FILIP1L: variants seen among roughly 807,000 people sequenced by gnomAD.
FILIP1L encodes filamin A interacting protein 1 like.
In FILIP1L, 55 loss-of-function variants were observed where a neutral mutation model predicts 96.6. That is an observed-to-expected ratio of 0.57 (90% CI 0.46 to 0.71). The LOEUF (loss-of-function observed/expected upper bound fraction) is 0.71, where lower values mean the gene tolerates loss of function less well. Ranked by LOEUF, FILIP1L falls within the 30% of genes least tolerant of loss-of-function variation. The pLI is 0.00. For synonymous variants in FILIP1L, 467 were observed against 473.9 expected, an observed-to-expected ratio of 0.99 and a Z score of 0.19; for missense variants, 1,304 against 1,321.2, an observed-to-expected ratio of 0.99 and a Z score of 0.20.
chr3:100,018,497 G>A (rs1258230086), intron 1 of FILIP1L, among the ~76,000 whole-genome samples: 1 of 152,024 alleles, frequency 6.6e-6, no homozygotes, highest in African/African-American at 2.4e-5. Context: ...GAAATGGATA[G>A]CCACATGCAG....
Position 100,047,958 on chromosome 3 carries a change from C to T in FILIP1L, c.-11+66095G>A, listed in dbSNP as rs149629351. Among the ~76,000 whole-genome samples, 571 of 152,248 alleles carry T rather than the reference C, an allele frequency of 3.8e-3. 3 individuals carry two copies. Among genetic ancestry groups the T allele is most frequent in the African/African-American group, 0.013 (542 of 41,538 alleles). On this transcript the variant is annotated intron_variant, in intron 1 of 5. Transcript: ENST00000477258. Reference sequence around the variant, plus strand: ...TGAGTTGAGCAGACTCATGAAAGAACGAATTGTCCCTCCTATAGTGTAAAT... The same window carrying T: ...TGAGTTGAGCAGACTCATGAAAGAATGAATTGTCCCTCCTATAGTGTAAAT...
rs148942588 is a variant in FILIP1L, at chr3:100,076,144, T to A, written c.-11+37909A>T. ...TTAAGAAATATATTTGTTAGTTATC[T>A]TGCCCGGAAAACCCTTAAAAATGTA... is the stretch of plus-strand genomic sequence containing the variant. On this transcript the variant is annotated intron_variant, in intron 1 of 5. Coordinates refer to ENST00000477258, the MANE Select transcript of FILIP1L (RefSeq NM_001387850.1). Among the ~76,000 whole-genome samples, 1,102 of 152,358 alleles carry A rather than the reference T, an allele frequency of 7.2e-3. 4 individuals carry two copies. Among genetic ancestry groups the A allele is most frequent in the African/African-American group, 0.01 (420 of 41,568 alleles).
At chr3:99,910,114 C>T (rs1358814287) in intron 4 of FILIP1L, among the ~76,000 whole-genome samples, 1 of 136,282 alleles carries the variant, frequency 7.3e-6, no homozygotes, top group East Asian at 2.0e-4. Flanking sequence ...TGTCCAGAAC[C>T]TGTGAAATTC....
intron 1 of FILIP1L, among the ~76,000 whole-genome samples, chr3:99,989,843 A>G (rs1049251686): frequency 4.6e-5 from 7 of 152,142 alleles, no homozygotes; most frequent in African/African-American, 1.7e-4. Flanking sequence ...GATCAGTTTC[A>G]TAAAATCTCA....
chr3:100,035,461 C>T (rs13093838), intron 1 of FILIP1L, among the ~76,000 whole-genome samples: 24,416 of 152,070 alleles, frequency 0.16, 2,331 homozygotes, highest in South Asian at 0.21. Flanking sequence ...TTAGTAGAGA[C>T]AGGGTTTCAC....
intron 5 of FILIP1L, among the ~76,000 whole-genome samples, chr3:99,834,965 T>C (rs1463647790): frequency 6.6e-6 from 1 of 152,238 alleles, no homozygotes; most frequent in Non-Finnish European, 1.5e-5. Flanking sequence ...CCCTGGCCCA[T>C]CTAAAGTTTC....
chr3:100,081,707 A>C (rs184327087), intron 1 of FILIP1L, among the ~76,000 whole-genome samples: 44 of 152,316 alleles, frequency 2.9e-4, no homozygotes, highest in African/African-American at 1.1e-3. Flanking sequence ...AATACAGGTA[A>C]ATAGTAAATG....
intron 1 of FILIP1L, among the ~76,000 whole-genome samples, chr3:99,979,135 G>T (rs941473972): frequency 6.6e-6 from 1 of 152,110 alleles, no homozygotes; most frequent in African/African-American, 2.4e-5. Flanking sequence ...TGTTTGAGGT[G>T]ATTACCCTGA....
rs1455201814 is a variant in FILIP1L, at chr3:99,848,325, G to T, written c.3351C>A (p.Ala1117=). The change falls in exon 5 of 6, where the codon GCC becomes GCA. Residue 1117 remains alanine (A), a synonymous_variant. Coordinates refer to ENST00000477258, the MANE Select transcript of FILIP1L (RefSeq NM_001387850.1). The part of the protein sequence containing the change: ...VTSSITITPT[A]TPLPRQSQIT... ...TTTGTGATTGTCGAGGAAGAGGTGTGGCTGTTGGTGTGATAGTAATACTGC... is the reference window on the plus strand; with the variant it reads ...TTTGTGATTGTCGAGGAAGAGGTGTTGCTGTTGGTGTGATAGTAATACTGC... 3 of 1,614,114 alleles carry T rather than the reference G, an allele frequency of 1.9e-6. No homozygotes were observed. Among genetic ancestry groups the T allele is most frequent in the Non-Finnish European group, 2.5e-6 (3 of 1,179,982 alleles).
At chr3:99,830,657 A>G (rs1306341829) in intron 5 of FILIP1L, 52 bp from the exon 6 acceptor site, 1 of 450,832 alleles carries the variant, frequency 2.2e-6, no homozygotes, top group Non-Finnish European at 4.5e-6. Flanking sequence ...TTGGTGGAGA[A>G]GTAGAAATTG....
At chr3:99,961,408 A>G (rs1708486357) in intron 1 of FILIP1L, among the ~76,000 whole-genome samples, 1 of 152,148 alleles carries the variant, frequency 6.6e-6, no homozygotes, top group African/African-American at 2.4e-5. Context: ...TGTATCTACA[A>G]TGACTCTTAT....
At chr3:100,003,856 A>G (rs2107173132) in intron 1 of FILIP1L, among the ~76,000 whole-genome samples, 1 of 152,312 alleles carries the variant, frequency 6.6e-6, no homozygotes, top group African/African-American at 2.4e-5. Flanking sequence ...ACTTTGCATG[A>G]GTTCAACTAC....
rs768236132 is a variant in FILIP1L, at chr3:99,848,984, G to A, written c.2692C>T (p.Pro898Ser). 6.7e-5 allele frequency: 108 copies of A among 1,613,994 alleles called. No individual in the cohort carries two copies. Among genetic ancestry groups the A allele is most frequent in the African/African-American group, 6.7e-5 (5 of 74,906 alleles). ...ACCTTTATATGAAGTGGCTGCCCAG[G>A]TGTGTGGCTTAGGACTAGATCTCCA... ...QPGDLVLSHTPGQPLHIKVTP... is the reference protein window; with the variant it reads ...QPGDLVLSHTSGQPLHIKVTP... Residue 898 changes from proline (P) to serine (S), a missense_variant, in exon 5 of 6, where the codon CCT becomes TCT. By Grantham distance (74) the Pro-to-Ser change is moderately conservative. Transcript: ENST00000477258.
chr3:99,855,258 G>A (rs1479993994), intron 4 of FILIP1L, among the ~76,000 whole-genome samples: 3 of 152,062 alleles, frequency 2.0e-5, no homozygotes, highest in Non-Finnish European at 2.9e-5. Flanking sequence ...ACATTTCTGG[G>A]GAACAAAATG....
intron 4 of FILIP1L, among the ~76,000 whole-genome samples, chr3:99,873,881 A>G (rs911612662): frequency 1.3e-5 from 2 of 152,222 alleles, no homozygotes; most frequent in Non-Finnish European, 2.9e-5. Flanking sequence ...CAAAAGTGCA[A>G]ATGAACTTAC....
intron 4 of FILIP1L, among the ~76,000 whole-genome samples, chr3:99,852,502 G>C (rs1282789971): frequency 2.0e-5 from 3 of 152,078 alleles, no homozygotes; most frequent in Non-Finnish European, 4.4e-5. Context: ...CTGGAGTGCA[G>C]TGGGGCGATC....
At chr3:99,964,784 C>T (rs1301557811) in intron 1 of FILIP1L, among the ~76,000 whole-genome samples, 1 of 152,110 alleles carries the variant, frequency 6.6e-6, no homozygotes. Context: ...CCAGAAACCT[C>T]CAGGCTACCC....
intron 3 of FILIP1L, among the ~76,000 whole-genome samples, chr3:99,927,302 T>C (rs1707324531): frequency 6.6e-6 from 1 of 152,202 alleles, no homozygotes; most frequent in South Asian, 2.1e-4. Context: ...CCCTAGGTTA[T>C]GCTAATAATA....
chr3:99,990,492 T>C (rs1709480079), intron 1 of FILIP1L, among the ~76,000 whole-genome samples: 1 of 152,200 alleles, frequency 6.6e-6, no homozygotes. Context: ...CAACTTAAAG[T>C]CAAACTAACA....
Sources: allele counts gnomAD v4.1 joint callset (sites outside exome capture counted in the v4.1 genomes callset), GRCh38; gene constraint gnomAD v4.1.1; transcripts MANE v1.5; gene names NCBI Gene and HGNC (gene_info 2026-07-23, HGNC 2026-07-21).